Variants in GNA12 observed in about 807,000 individuals in gnomAD.
The protein encoded by GNA12 is guanine nucleotide-binding protein subunit alpha-12.
In GNA12, 9 loss-of-function variants were observed where a neutral mutation model predicts 26.0. The ratio of observed to expected loss-of-function variants is 0.35; its 90% CI spans 0.21 to 0.60. The LOEUF (loss-of-function observed/expected upper bound fraction) is 0.60. GNA12 is among the 20% of genes least tolerant of loss of function. The pLI is 0.78. For synonymous variants in GNA12, 264 were observed against 219.6 expected, an observed-to-expected ratio of 1.20 and a Z score of -1.79; for missense variants, 405 against 525.8, an observed-to-expected ratio of 0.77 and a Z score of 2.25.
intron 1 of GNA12, among the ~76,000 whole-genome samples, chr7:2,805,481 G>A (rs1792923412): frequency 6.6e-6 from 1 of 152,138 alleles, no homozygotes; most frequent in African/African-American, 2.4e-5. Flanking sequence ...AAAGCTCACT[G>A]CAGCCTTGAC....
intron 1 of GNA12, among the ~76,000 whole-genome samples, chr7:2,830,959 AAAAC>A (rs200629913): frequency 0.01 from 1,549 of 152,152 alleles, 19 homozygotes; most frequent in South Asian, 0.025. Flanking sequence ...TAATGAAAAA[AAAAC>A]AAAAAACAAA....
At chr7:2,746,742 A>G (rs1359288848) in intron 2 of GNA12, among the ~76,000 whole-genome samples, 1 of 152,204 alleles carries the variant, frequency 6.6e-6, no homozygotes, top group Non-Finnish European at 1.5e-5. Flanking sequence ...TGGTTTTTTG[A>G]AAAGATCAAC....
intron 2 of GNA12, among the ~76,000 whole-genome samples, chr7:2,738,285 A>G (rs1024447629): frequency 5.7e-4 from 46 of 80,922 alleles, no homozygotes; most frequent in African/African-American, 1.5e-3. Context: ...GCTCCATCTA[A>G]AAAAAAAAAA....
intron 1 of GNA12, chr7:2,815,107 G>C: frequency 9.8e-7 from 1 of 1,021,728 alleles, no homozygotes; most frequent in East Asian, 2.8e-5. Context: ...ACAAGGCCTT[G>C]CCCGCATGAG....
intron 2 of GNA12, among the ~76,000 whole-genome samples, chr7:2,745,957 CAAG>C (rs549578646): frequency 0.012 from 1,832 of 152,278 alleles, 39 homozygotes; most frequent in African/African-American, 0.041. Context: ...ATCAATTCAA[CAAG>C]AAGAGCTAAC....
At position 2,822,462 on chromosome 7, in the gene GNA12, GGCCAAGCGT is replaced by G. The variant is rs567956502; in HGVS notation, c.309+21382_309+21390del. 5.9e-4 allele frequency among the ~76,000 whole-genome samples: 90 copies of G among 152,314 alleles called. 3 individuals carry two copies. In the South Asian group the frequency reaches 0.018, roughly 30 times the overall value. ...TCTCAAACCCTGATAAAGATTGAAG[GGCCAAGCGT>G]GGTGGCTCTCGCCTGTAATCCCAGC... On this transcript the variant is annotated intron_variant, in intron 1 of 3. Coordinates refer to ENST00000275364, the MANE Select transcript of GNA12 (RefSeq NM_007353.3).
At chr7:2,793,517 T>C (rs548926985) in intron 2 of GNA12, among the ~76,000 whole-genome samples, 22 of 152,258 alleles carry the variant, frequency 1.4e-4, no homozygotes, top group African/African-American at 5.3e-4. Context: ...AGGGGACTAT[T>C]AGCAGACTAT....
chr7:2,839,766 C>G (rs183185165), intron 1 of GNA12, among the ~76,000 whole-genome samples: 1 of 151,976 alleles, frequency 6.6e-6, no homozygotes, highest in Non-Finnish European at 1.5e-5. Flanking sequence ...TTTGGGAGGC[C>G]GAGGCGGGTG....
intron 2 of GNA12, among the ~76,000 whole-genome samples, chr7:2,792,273 A>G (rs1349749276): frequency 6.6e-6 from 1 of 152,274 alleles, no homozygotes; most frequent in Admixed American, 6.5e-5. Flanking sequence ...AAACAAGCAG[A>G]CTGGGCTTTG....
intron 2 of GNA12, among the ~76,000 whole-genome samples, chr7:2,750,433 C>T (rs958050441): frequency 2.0e-5 from 3 of 152,234 alleles, no homozygotes; most frequent in African/African-American, 7.2e-5. Context: ...CATGCTGAGA[C>T]CTCAGTGGAT....
At chr7:2,824,393 C>T (rs1000449360) in intron 1 of GNA12, among the ~76,000 whole-genome samples, 2 of 152,186 alleles carry the variant, frequency 1.3e-5, no homozygotes, top group Admixed American at 1.3e-4. Context: ...ACACTGGCTC[C>T]TCTGGGTCTG....
At chr7:2,741,811 T>G (rs1790520703) in intron 2 of GNA12, among the ~76,000 whole-genome samples, 1 of 151,298 alleles carries the variant, frequency 6.6e-6, no homozygotes. Flanking sequence ...CAACTTCAGG[T>G]GCTGCTTCAG....
intron 2 of GNA12, among the ~76,000 whole-genome samples, chr7:2,765,363 G>A (rs892647231): frequency 6.6e-6 from 1 of 152,190 alleles, no homozygotes; most frequent in African/African-American, 2.4e-5. Context: ...TAGAGATGGT[G>A]TTAGCCAGGA....
At chr7:2,826,995 T>C (rs116097773) in intron 1 of GNA12, among the ~76,000 whole-genome samples, 128 of 152,318 alleles carry the variant, frequency 8.4e-4, no homozygotes, top group African/African-American at 3.0e-3. Flanking sequence ...TAATGCAAGA[T>C]GTTACTCACA....
At chr7:2,811,757 G>A (rs1032326382) in intron 1 of GNA12, among the ~76,000 whole-genome samples, 7 of 152,296 alleles carry the variant, frequency 4.6e-5, no homozygotes, top group African/African-American at 1.7e-4. Flanking sequence ...ATGTTGCCAT[G>A]TCTTCCCTGC....
intron 1 of GNA12, among the ~76,000 whole-genome samples, chr7:2,819,634 C>A (rs1223030368): frequency 6.6e-6 from 1 of 152,118 alleles, no homozygotes; most frequent in Non-Finnish European, 1.5e-5. Context: ...GCCATATCTC[C>A]AAAGAAGATA....
chr7:2,816,766 G>C (rs1793227856), intron 1 of GNA12, among the ~76,000 whole-genome samples: 1 of 152,160 alleles, frequency 6.6e-6, no homozygotes, highest in Non-Finnish European at 1.5e-5. Flanking sequence ...CACAGGTCTA[G>C]CACACATTAA....
chr7:2,836,798 C>T (rs921330321), intron 1 of GNA12, among the ~76,000 whole-genome samples: 31 of 152,216 alleles, frequency 2.0e-4, no homozygotes, highest in African/African-American at 6.5e-4. Context: ...GTGGTGCGTG[C>T]CTGTAGTCCC....
At chr7:2,753,994 G>A (rs1030657247) in intron 2 of GNA12, among the ~76,000 whole-genome samples, 1 of 152,144 alleles carries the variant, frequency 6.6e-6, no homozygotes, top group African/African-American at 2.4e-5. Context: ...GATATGCTCA[G>A]TGACCAGAGA....
Sources: allele counts gnomAD v4.1 joint callset (sites outside exome capture counted in the v4.1 genomes callset), GRCh38; gene constraint gnomAD v4.1.1; transcripts MANE v1.5; gene names NCBI Gene and HGNC (gene_info 2026-07-23, HGNC 2026-07-21).